The following SEMA3C variants were observed in gnomAD, a reference collection of about 807,000 sequenced individuals.
SEMA3C encodes the protein semaphorin-3C.
In SEMA3C, 47 loss-of-function variants were observed where a neutral mutation model predicts 89.4. The ratio of observed to expected loss-of-function variants is 0.53; its 90% CI spans 0.42 to 0.67. The LOEUF is 0.67. Among genes scored for constraint, SEMA3C ranks in the 30% least tolerant of loss-of-function variants. SEMA3C has a pLI of 0.00. For synonymous variants in SEMA3C, 310 were observed against 320.2 expected, an observed-to-expected ratio of 0.97 and a Z score of 0.34; for missense variants, 839 against 929.1, an observed-to-expected ratio of 0.90 and a Z score of 1.26.
chr7:80,846,715 G>T (rs1033295708), intron 2 of SEMA3C, among the ~76,000 whole-genome samples: 1 of 152,070 alleles, frequency 6.6e-6, no homozygotes, highest in Non-Finnish European at 1.5e-5. Context: ...GACGAAAATG[G>T]CTCACCTTTA....
rs138079209 is a variant in SEMA3C, at chr7:80,754,957, G to T, written c.1643+3374C>A. On this transcript the variant is annotated intron_variant, in intron 15 of 17. Coordinates refer to ENST00000265361, the MANE Select transcript of SEMA3C (RefSeq NM_006379.5). The stretch of plus-strand genomic sequence containing the variant: ...CATGCCTGGCGAATTGTTTTTTTTT[G>T]TTTTTTTTTTTTTTGTATTTTTAGT... 3.0e-3 allele frequency among the ~76,000 whole-genome samples: 324 copies of T among 107,976 alleles called. 1 individual carries two copies. The highest frequency in any genetic ancestry group is 5.1e-3 in the Middle Eastern group (1 of 198). The allele number at this position is 107,976 out of a possible 152,430, so 70.8% of individuals were successfully genotyped here.
At chr7:80,802,633 C>A in intron 9 of SEMA3C, 32 bp downstream of exon 9, 1 of 1,437,784 alleles carries the variant, frequency 7.0e-7, no homozygotes, top group African/African-American at 1.4e-5. Flanking sequence ...AGCCTTCTTT[C>A]AGAAGCATTT....
At position 80,789,293 on chromosome 7, in the gene SEMA3C, C is replaced by A. The variant is rs1788877406; in HGVS notation, c.1354+13G>T. The A allele has an allele frequency of 3.7e-6, 6 of 1,604,850 alleles. No individual in the cohort carries two copies. Among genetic ancestry groups the A allele is most frequent in the Non-Finnish European group, 5.1e-6 (6 of 1,173,052 alleles). The stretch of plus-strand genomic sequence containing the variant: ...ACTACACATTAAAGCATATCTTGGG[C>A]TCAAATATTTACCTGTTCCGAGAAA... On this transcript the variant is annotated intron_variant, in intron 12 of 17. Transcript: ENST00000265361.
intron 11 of SEMA3C, among the ~76,000 whole-genome samples, chr7:80,792,763 A>G (rs1397518859): frequency 6.6e-6 from 1 of 152,184 alleles, no homozygotes; most frequent in Non-Finnish European, 1.5e-5. Context: ...TTACCAAACA[A>G]TTCTTTTTGA....
At chr7:80,784,616 T>C (rs1427365185) in intron 12 of SEMA3C, among the ~76,000 whole-genome samples, 1 of 152,106 alleles carries the variant, frequency 6.6e-6, no homozygotes, top group East Asian at 1.9e-4. Context: ...AGCAAACTTT[T>C]TCTGTAAAAG....
intron 2 of SEMA3C, among the ~76,000 whole-genome samples, chr7:80,880,314 G>A (rs1299546511): frequency 6.6e-6 from 1 of 152,132 alleles, no homozygotes; most frequent in Non-Finnish European, 1.5e-5. Flanking sequence ...TATTCATCAT[G>A]TTTAGTGTTT....
chr7:80,862,168 T>C (rs1277953642), intron 2 of SEMA3C, among the ~76,000 whole-genome samples: 2 of 152,106 alleles, frequency 1.3e-5, no homozygotes, highest in Non-Finnish European at 2.9e-5. Context: ...TGTTTGCTGA[T>C]GATAGGACCA....
At chr7:80,876,606 TAATGAG>T (rs1293057835) in intron 2 of SEMA3C, among the ~76,000 whole-genome samples, 1 of 152,224 alleles carries the variant, frequency 6.6e-6, no homozygotes, top group Non-Finnish European at 1.5e-5. Flanking sequence ...TGTTCCCAAA[TAATGAG>T]AATGTTACCA....
Position 80,745,065 on chromosome 7 carries a change from C to A in SEMA3C, c.2085G>T (p.Gly695=). Residue 695 remains glycine, a synonymous_variant, in exon 18 of 18, where the codon GGG becomes GGT. Coordinates refer to ENST00000265361, the MANE Select transcript of SEMA3C (RefSeq NM_006379.5). ...ALPFHPKDIM[G]AFSHSEMQMI... is the part of the protein sequence containing the mutation. ...TCTGCATTTCTGAGTGGCTGAATGC[C>A]CCCATGATGTCCTTCGGGTGGAAGG... 2 of 1,614,050 alleles carry A rather than the reference C, an allele frequency of 1.2e-6. No individual in the cohort carries two copies. Among genetic ancestry groups the A allele is most frequent in the East Asian group, 4.5e-5 (2 of 44,876 alleles).
intron 12 of SEMA3C, among the ~76,000 whole-genome samples, chr7:80,787,489 C>A (rs1788832925): frequency 6.6e-6 from 1 of 151,418 alleles, no homozygotes; most frequent in Non-Finnish European, 1.5e-5. Context: ...AAGAGGGAAC[C>A]ACTAGGAGGA....
At chr7:80,791,563 A>G (rs1000820548) in intron 11 of SEMA3C, among the ~76,000 whole-genome samples, 1 of 152,194 alleles carries the variant, frequency 6.6e-6, no homozygotes, top group African/African-American at 2.4e-5. Flanking sequence ...GCAGGATGCA[A>G]TGGGGACTGT....
Position 80,745,096 on chromosome 7 carries a change from GC to G in SEMA3C, c.2053del (p.Ala685LeufsTer20). 6.2e-7 allele frequency: 1 copy of G among 1,614,032 alleles called. No homozygotes were observed. The highest frequency in any genetic ancestry group is 8.5e-7 in the Non-Finnish European group (1 of 1,179,978). ...SPWTWASSVRALPFHPKDIMG... is the reference protein window; with the variant it reads ...SPWTWASSVRXLPFHPKDIMG... ...GATGTCCTTCGGGTGGAAGGGTAAA[GC>G]CCTCACAGAGCTGGCCCAGGTCCAT... On this transcript the variant is annotated frameshift_variant, in exon 18 of 18. Transcript: ENST00000265361. LOFTEE classifies it high-confidence loss of function.
chr7:80,770,270 C>T (rs753475857), intron 12 of SEMA3C, among the ~76,000 whole-genome samples: 6 of 152,188 alleles, frequency 3.9e-5, no homozygotes, highest in South Asian at 4.1e-4. Context: ...CTCCCAATTA[C>T]TTATGTCCAC....
chr7:80,815,647 A>G (rs1429533167), intron 5 of SEMA3C, among the ~76,000 whole-genome samples: 1 of 151,746 alleles, frequency 6.6e-6, no homozygotes, highest in Admixed American at 6.6e-5. Context: ...CTTAATACAG[A>G]AAATGTATAA....
At chr7:80,868,344 T>C (rs1414805999) in intron 2 of SEMA3C, among the ~76,000 whole-genome samples, 9 of 152,178 alleles carry the variant, frequency 5.9e-5, no homozygotes, top group Admixed American at 5.2e-4. Flanking sequence ...CTCAGCTCAC[T>C]GCAACCTCCA....
intron 15 of SEMA3C, among the ~76,000 whole-genome samples, chr7:80,757,420 G>A (rs1201257688): frequency 6.6e-6 from 1 of 152,020 alleles, no homozygotes; most frequent in Non-Finnish European, 1.5e-5. Flanking sequence ...ATTCTACTTG[G>A]ATAAAAAGTA....
intron 6 of SEMA3C, among the ~76,000 whole-genome samples, chr7:80,807,394 G>T (rs1789366733): frequency 6.6e-6 from 1 of 152,118 alleles, no homozygotes; most frequent in South Asian, 2.1e-4. Flanking sequence ...ACATAAGCCT[G>T]CACATCTAAT....
At chr7:80,749,951 C>G (rs577105303) in intron 16 of SEMA3C, among the ~76,000 whole-genome samples, 22 of 152,204 alleles carry the variant, frequency 1.4e-4, no homozygotes, top group African/African-American at 4.8e-4. Context: ...AACTGATACA[C>G]TTTTATAAAA....
At chr7:80,886,703 C>T (rs776426925) in intron 2 of SEMA3C, among the ~76,000 whole-genome samples, 30 of 152,148 alleles carry the variant, frequency 2.0e-4, no homozygotes, top group Non-Finnish European at 3.5e-4. Context: ...CATGACATAT[C>T]ATCTTAGAAG....
Sources: allele counts gnomAD v4.1 joint callset (sites outside exome capture counted in the v4.1 genomes callset), GRCh38; gene constraint gnomAD v4.1.1; transcripts MANE v1.5; gene names NCBI Gene and HGNC (gene_info 2026-07-23, HGNC 2026-07-21).